PAQR3: variants seen among roughly 807,000 people sequenced by gnomAD.
PAQR3 encodes progestin and adipoQ receptor family member 3.
Under a neutral mutation model 41.7 loss-of-function variants are expected in PAQR3, and 39 were observed. The ratio of observed to expected loss-of-function variants is 0.93; its 90% CI spans 0.72 to 1.22. PAQR3 has a LOEUF of 1.22. PAQR3 is among the 50% of genes most tolerant of loss of function. The probability of loss-of-function intolerance (pLI) is 0.00; values close to 1 mark genes in which losing one functional copy is unlikely to be tolerated. For synonymous variants in PAQR3, 140 were observed against 140.6 expected, an observed-to-expected ratio of 1.00 and a Z score of 0.03; for missense variants, 366 against 385.6, an observed-to-expected ratio of 0.95 and a Z score of 0.42.
At chr4:78,922,377 T>A in intron 5 of PAQR3, 1 of 1,288,786 alleles carries the variant, frequency 7.8e-7, no homozygotes, top group South Asian at 1.2e-5. Flanking sequence ...CCAACACACG[T>A]GACGAGTGGT....
chr4:78,905,966 A>T (rs192883378), intron 11 of PAQR3: 1 of 152,096 alleles, frequency 6.6e-6, no homozygotes, highest in Non-Finnish European at 1.5e-5. Context: ...ACAGTCTTTT[A>T]TGTCTATGGA....
At chr4:78,929,660 G>C (rs182296466) in intron 3 of PAQR3, among the ~76,000 whole-genome samples, 1 of 152,280 alleles carries the variant, frequency 6.6e-6, no homozygotes, top group Admixed American at 6.5e-5. Context: ...TGTCTTACAA[G>C]CCTACCCCCA....
rs191888394 is a variant in PAQR3, at chr4:78,928,055, C to A, written c.505-1337G>T. 2.6e-3 allele frequency among the ~76,000 whole-genome samples: 393 copies of A among 152,336 alleles called. 1 individual carries two copies. Among genetic ancestry groups the A allele is most frequent in the Non-Finnish European group, 4.4e-3 (302 of 68,030 alleles). ...TTCAACGATCATGGACTGACTCTAT[C>A]AGCTTCAGCAGTTCCCTTATCTTTT... is the stretch of plus-strand genomic sequence containing the variant. On this transcript the variant is annotated intron_variant, in intron 3 of 5. Coordinates refer to ENST00000512733, the MANE Select transcript of PAQR3 (RefSeq NM_001040202.2).
Position 78,926,646 on chromosome 4 carries a change from T to C in PAQR3, c.577A>G (p.Asn193Asp). Residue 193 changes from asparagine (N) to aspartate (D), a missense_variant, in exon 4 of 6, where the codon AAT (asparagine) becomes GAT (aspartate). By Grantham distance (23) the Asn-to-Asp change is conservative (BLOSUM62 1). Transcript: ENST00000512733. The stretch of plus-strand genomic sequence containing the variant: ...CTTTGCCATTGCTGCGTGAGGTAAT[T>C]GGGATGAATCTGCGCAAAGAACACT... ...LAVFFAQIHP[N>D]YLTQQWQRLR... is the part of the protein sequence containing the mutation. The C allele has an allele frequency of 6.2e-7, 1 of 1,613,968 alleles. No homozygotes were observed. The highest frequency in any genetic ancestry group is 2.2e-5 in the East Asian group (1 of 44,874).
chr4:78,914,818 C>T lies in PAQR3; in HGVS notation c.*5721G>A, dbSNP rs1230846551. On this transcript the variant is annotated 3_prime_UTR_variant, in exon 6 of 6. Transcript: ENST00000512733. Reference sequence around the variant, plus strand: ...TGTAGTTATAACTAAACCTGTTATACTTGAACATCACTAAGAGAAGTAAAT... The same window carrying T: ...TGTAGTTATAACTAAACCTGTTATATTTGAACATCACTAAGAGAAGTAAAT... The T allele has an allele frequency of 6.6e-6, 1 of 151,120 alleles. No individual in the cohort carries two copies. The highest frequency in any genetic ancestry group is 2.4e-5 in the African/African-American group (1 of 41,104). 9.4% of individuals were successfully genotyped at this position (151,120 alleles called of 1,614,324 possible).
rs1342385258 is a variant in PAQR3, at chr4:78,917,867, C to G, written c.*2672G>C. Reference sequence around the variant, plus strand: ...AAGATGTGACAGACATTCCCTGAATCTTCGTTCCTGATTCTAAAATATGAT... The same window carrying G: ...AAGATGTGACAGACATTCCCTGAATGTTCGTTCCTGATTCTAAAATATGAT... On this transcript the variant is annotated 3_prime_UTR_variant, in exon 6 of 6. Transcript: ENST00000512733. The G allele has an allele frequency of 2.8e-5, 28 of 985,298 alleles. No homozygotes were observed. Among genetic ancestry groups the G allele is most frequent in the Non-Finnish European group, 3.1e-5 (26 of 829,664 alleles). The allele number at this position is 985,298 out of a possible 1,614,324, so 61.0% of individuals were successfully genotyped here.
intron 1 of PAQR3, 124 bp from the exon 2 acceptor site, chr4:78,935,407 A>AC (rs1294734805): frequency 1.5e-6 from 1 of 651,550 alleles, no homozygotes; most frequent in Non-Finnish European, 2.4e-6. Flanking sequence ...CCCCACCTGT[A>AC]CCTTTCTAAA....
At chr4:78,931,185 T>TTA (rs35748488) in intron 2 of PAQR3, among the ~76,000 whole-genome samples, 72,809 of 114,888 alleles carry the variant, frequency 0.63, 25,531 homozygotes, top group Non-Finnish European at 0.73. Context: ...CCTCATTTCT[T>TTA]AAAAAAAAAA....
downstream of PAQR3, chr4:78,910,887 A>C: frequency 6.2e-7 from 1 of 1,613,986 alleles, no homozygotes; most frequent in Non-Finnish European, 8.5e-7. Flanking sequence ...CTGAACCAGA[A>C]AATCTGGGTC....
chr4:78,891,751 G>A (rs1290401014), intron 11 of PAQR3, among the ~76,000 whole-genome samples: 2 of 152,108 alleles, frequency 1.3e-5, no homozygotes, highest in Non-Finnish European at 2.9e-5. Context: ...AAGAGTTTCA[G>A]CAAATTATTG....
At position 78,920,757 on chromosome 4, in the gene PAQR3, T is replaced by C. The variant is rs541421692; in HGVS notation, c.794-76A>G. ...AAAGGAAAAATATATTTCTTGGAAG[T>C]ATAGCTTAGCAGAAAAATTTTCATA... is the stretch of plus-strand genomic sequence containing the variant. On this transcript the variant is annotated intron_variant, in intron 5 of 5. Coordinates refer to ENST00000512733, the MANE Select transcript of PAQR3 (RefSeq NM_001040202.2). 9 of 1,468,920 alleles carry C rather than the reference T, an allele frequency of 6.1e-6. No homozygotes were observed. The Admixed American group carries it at 1.5e-4, about 25-fold the overall frequency. The allele number at this position is 1,468,920 out of a possible 1,614,324, so 91.0% of individuals were successfully genotyped here. A position where few individuals can be genotyped will look rare whatever the true frequency, so the allele number is the denominator to read the frequency against.
At chr4:78,934,300 T>C (rs1737203607) in intron 2 of PAQR3, among the ~76,000 whole-genome samples, 3 of 152,168 alleles carry the variant, frequency 2.0e-5, no homozygotes, top group African/African-American at 2.4e-5. Flanking sequence ...AAATGATACA[T>C]GATGAAAGCG....
intron 2 of PAQR3, among the ~76,000 whole-genome samples, chr4:78,934,436 T>C (rs1737217152): frequency 6.6e-6 from 1 of 152,210 alleles, no homozygotes; most frequent in Non-Finnish European, 1.5e-5. Context: ...TTTTGTGTTT[T>C]TTTATGTTCT....
intron 3 of PAQR3, among the ~76,000 whole-genome samples, 173 bp from the exon 4 acceptor site, chr4:78,926,891 T>C (rs755184496): frequency 5.3e-5 from 8 of 152,212 alleles, no homozygotes; most frequent in Non-Finnish European, 1.2e-4. Flanking sequence ...TTTAGGTTTG[T>C]CAGAATGACA....
intron 11 of PAQR3, among the ~76,000 whole-genome samples, chr4:78,896,491 C>T (rs1195461053): frequency 6.6e-6 from 1 of 151,974 alleles, no homozygotes; most frequent in Non-Finnish European, 1.5e-5. Context: ...GGTAATAGTC[C>T]ATAACATGTG....
intron 11 of PAQR3, among the ~76,000 whole-genome samples, chr4:78,905,011 T>C (rs1226770437): frequency 2.6e-5 from 4 of 151,944 alleles, no homozygotes; most frequent in South Asian, 2.1e-4. Flanking sequence ...TATATTTTTG[T>C]ATAAATATGT....
Position 78,915,011 on chromosome 4 carries a change from T to G in PAQR3, c.*5528A>C, listed in dbSNP as rs1433404126. Reference sequence around the variant, plus strand: ...ATCAGCTTTTTATGGCATTGAAGAATGTATCTGCTAAGACACAAAAATTGC... The same window carrying G: ...ATCAGCTTTTTATGGCATTGAAGAAGGTATCTGCTAAGACACAAAAATTGC... On this transcript the variant is annotated 3_prime_UTR_variant, in exon 6 of 6. Transcript: ENST00000512733. 6.6e-6 allele frequency: 1 copy of G among 152,052 alleles called. No individual in the cohort carries two copies. Among genetic ancestry groups the G allele is most frequent in the Non-Finnish European group, 1.5e-5 (1 of 67,956 alleles). 9.4% of individuals were successfully genotyped at this position (152,052 alleles called of 1,614,324 possible). A position where few individuals can be genotyped will look rare whatever the true frequency, so the allele number is the denominator to read the frequency against.
intron 11 of PAQR3, among the ~76,000 whole-genome samples, chr4:78,900,284 G>A (rs1472980611): frequency 6.6e-6 from 1 of 152,122 alleles, no homozygotes; most frequent in Non-Finnish European, 1.5e-5. Flanking sequence ...TTATCAGCAA[G>A]GCTTCTGGTT....
intron 11 of PAQR3, among the ~76,000 whole-genome samples, chr4:78,905,010 G>A (rs6534058): frequency 0.048 from 7,336 of 151,696 alleles, 561 homozygotes; most frequent in African/African-American, 0.17. Context: ...CTATATTTTT[G>A]TATAAATATG....
Sources: allele counts gnomAD v4.1 joint callset (sites outside exome capture counted in the v4.1 genomes callset), GRCh38; gene constraint gnomAD v4.1.1; transcripts MANE v1.5; gene names NCBI Gene and HGNC (gene_info 2026-07-23, HGNC 2026-07-21).